The following SPATA1 variants were observed in gnomAD, a reference collection of about 807,000 sequenced individuals.
The protein encoded by SPATA1 is spermatogenesis associated 1, also known as spermatogenesis-associated protein 1.
Under a neutral mutation model 59.6 loss-of-function variants are expected in SPATA1, and 57 were observed. The ratio of observed to expected loss-of-function variants is 0.96; its 90% CI spans 0.77 to 1.19. SPATA1 has a LOEUF of 1.19. Ranked by LOEUF, SPATA1 falls within the 50% of genes most tolerant of loss-of-function variation. The pLI is 0.00. For missense variants in SPATA1, 448 were observed against 480.7 expected, an observed-to-expected ratio of 0.93 and a Z score of 0.64; for synonymous variants, 147 against 163.9, an observed-to-expected ratio of 0.90 and a Z score of 0.79.
At chr1:84,516,143 G>T in intron 1 of SPATA1, 80 bp from the exon 2 acceptor site, 1 of 457,984 alleles carries the variant, frequency 2.2e-6, no homozygotes. Flanking sequence ...GAATAATAAA[G>T]ATTGTATATA....
intron 3 of SPATA1, 108 bp from the exon 4 acceptor site, chr1:84,522,282 C>A: frequency 1.8e-6 from 1 of 540,650 alleles, no homozygotes; most frequent in Non-Finnish European, 3.1e-6. Context: ...ATATCTGACA[C>A]ATTAAATCAA....
chr1:84,558,796 T>C (rs1049304316), downstream of SPATA1, among the ~76,000 whole-genome samples: 47 of 151,732 alleles, frequency 3.1e-4, no homozygotes, highest in African/African-American at 1.1e-3. Flanking sequence ...AGCTACTTGG[T>C]AGGCTGAGGC....
intron 1 of SPATA1, among the ~76,000 whole-genome samples, chr1:84,512,149 T>C (rs976344137): frequency 3.3e-5 from 5 of 152,210 alleles, no homozygotes; most frequent in African/African-American, 1.2e-4. Flanking sequence ...GATTTAAGAA[T>C]CAGGAATTAT....
chr1:84,543,740 G>C lies in SPATA1; in HGVS notation c.718-462G>C, dbSNP rs553875426. ...AACACAAAAATTAGGAAAGATGAAG[G>C]CAACAGAAACACAAACACAGAGGAG... On this transcript the variant is annotated intron_variant, in intron 8 of 12. Transcript: ENST00000490879. Among the ~76,000 whole-genome samples the C allele has an allele frequency of 2.6e-5, 4 of 151,960 alleles. No homozygotes were observed. In the South Asian group the frequency reaches 8.3e-4, roughly 32 times the overall value.
At chr1:84,548,580 A>AC (rs1169509932) in intron 10 of SPATA1, among the ~76,000 whole-genome samples, 1 of 148,054 alleles carries the variant, frequency 6.8e-6, no homozygotes, top group Non-Finnish European at 1.5e-5. Flanking sequence ...ATATTTCTAT[A>AC]CAAGTTCTCT....
chr1:84,524,746 C>T (rs1394941389), intron 4 of SPATA1, among the ~76,000 whole-genome samples: 1 of 152,182 alleles, frequency 6.6e-6, no homozygotes, highest in African/African-American at 2.4e-5. Flanking sequence ...TCTTTTCTAA[C>T]AGGCCTTCCC....
At chr1:84,544,275 T>A in exon 9 of SPATA1, 8 of 1,585,118 alleles carry the variant, frequency 5.0e-6, no homozygotes, top group Non-Finnish European at 6.0e-6. Context: ...TCTTCAGGAA[T>A]AACTGATATA....
At chr1:84,524,559 C>T (rs1278081016) in intron 4 of SPATA1, among the ~76,000 whole-genome samples, 1 of 152,094 alleles carries the variant, frequency 6.6e-6, no homozygotes, top group Non-Finnish European at 1.5e-5. Flanking sequence ...CAAATTTTAT[C>T]TATGACCATT....
downstream of SPATA1, among the ~76,000 whole-genome samples, chr1:84,557,652 G>A (rs1251965509): frequency 4.6e-5 from 7 of 150,810 alleles, no homozygotes; most frequent in South Asian, 2.1e-4. Flanking sequence ...TCAGGAGATC[G>A]AGACCATCCT....
intron 9 of SPATA1, among the ~76,000 whole-genome samples, chr1:84,544,541 G>C (rs1684019490): frequency 6.6e-6 from 1 of 151,834 alleles, no homozygotes; most frequent in Non-Finnish European, 1.5e-5. Flanking sequence ...CAATAAAAAA[G>C]TTAAATTATA....
downstream of SPATA1, among the ~76,000 whole-genome samples, chr1:84,566,545 T>G (rs2994952): frequency 0.018 from 2,744 of 152,310 alleles, 73 homozygotes; most frequent in African/African-American, 0.061. Context: ...TCTTACGGCC[T>G]ACAGGTATAG....
At chr1:84,561,705 C>G (rs534356859) in intron 4 of SPATA1, among the ~76,000 whole-genome samples, 15 of 152,276 alleles carry the variant, frequency 9.9e-5, no homozygotes, top group African/African-American at 3.6e-4. Flanking sequence ...GCAACCACCA[C>G]CCTGATCAGT....
At chr1:84,555,379 A>C (rs570102413), downstream of SPATA1, among the ~76,000 whole-genome samples, 1 of 152,332 alleles carries the variant, frequency 6.6e-6, no homozygotes, top group South Asian at 2.1e-4. Flanking sequence ...CCTATTCTAT[A>C]ATTCCATGGT....
chr1:84,522,535 T>A, intron 4 of SPATA1, 28 bp downstream of exon 4: 2 of 1,251,728 alleles, frequency 1.6e-6, no homozygotes, highest in Non-Finnish European at 2.2e-6. Flanking sequence ...TTCTTTCTGA[T>A]TGAGAAAGAC....
intron 3 of SPATA1, 34 bp downstream of exon 3, chr1:84,520,725 G>T: frequency 7.6e-7 from 1 of 1,322,522 alleles, no homozygotes; most frequent in South Asian, 1.4e-5. Context: ...CAATATGCCT[G>T]AAAGAAGAAT....
At chr1:84,527,293 A>AT (rs1683263147) in intron 6 of SPATA1, among the ~76,000 whole-genome samples, 1 of 152,120 alleles carries the variant, frequency 6.6e-6, no homozygotes, top group East Asian at 1.9e-4. Flanking sequence ...AGTTAAACTA[A>AT]TTTTTTTCCT....
chr1:84,540,734 C>A (rs371283977), intron 8 of SPATA1, among the ~76,000 whole-genome samples: 5 of 152,204 alleles, frequency 3.3e-5, no homozygotes, highest in African/African-American at 1.2e-4. Flanking sequence ...ATCCTGAGCA[C>A]AATATTCCCT....
At chr1:84,550,469 C>A in exon 12 of SPATA1, 1 of 1,565,154 alleles carries the variant, frequency 6.4e-7, no homozygotes. Context: ...GTACAGCATG[C>A]AATTGACCAG....
intron 8 of SPATA1, among the ~76,000 whole-genome samples, chr1:84,538,685 A>G (rs1288547814): frequency 1.3e-5 from 2 of 152,178 alleles, no homozygotes; most frequent in African/African-American, 4.8e-5. Context: ...TTTTTTATTT[A>G]AACCAACTGA....
Sources: allele counts gnomAD v4.1 joint callset (sites outside exome capture counted in the v4.1 genomes callset), GRCh38; gene constraint gnomAD v4.1.1; transcripts MANE v1.5; gene names NCBI Gene and HGNC (gene_info 2026-07-23, HGNC 2026-07-21).